Variants in RAPGEF2 observed in about 807,000 individuals in gnomAD.
RAPGEF2 encodes Rap guanine nucleotide exchange factor 2.
A neutral mutation model predicts 186.7 loss-of-function variants in RAPGEF2; 54 were observed. The ratio of observed to expected loss-of-function variants is 0.29; its 90% CI spans 0.23 to 0.36. The LOEUF is 0.36. Among genes scored for constraint, RAPGEF2 ranks in the 10% least tolerant of loss-of-function variants. The probability of loss-of-function intolerance (pLI) is 1.00; values close to 1 mark genes in which losing one functional copy is unlikely to be tolerated. For missense variants in RAPGEF2, 1,532 were observed against 2,045.0 expected (o/e 0.75, Z 4.84); for synonymous variants, 712 against 705.9 (o/e 1.01, Z -0.14).
In RAPGEF2 at chr4:159,353,993, T is replaced by A; in HGVS notation, c.4598T>A (p.Val1533Asp). 1.2e-6 allele frequency: 2 copies of A among 1,611,546 alleles called. No individual in the cohort carries two copies. Among genetic ancestry groups the A allele is most frequent in the Non-Finnish European group, 1.7e-6 (2 of 1,179,140 alleles). Residue 1533 changes from valine (V) to aspartate (D), a missense_variant, in exon 28 of 30, where the codon GTC (valine) becomes GAC (aspartate). Physicochemically the swap from Val to Asp is radical, Grantham distance 152. Coordinates refer to ENST00000691494, the MANE Select transcript of RAPGEF2 (RefSeq NM_001394067.2). This position sits in a 1 kb window ranked among gnomAD's most constrained non-coding sequence, Gnocchi z 4.3. ...TSVTTEETKPVPMPAHIAVAS... is the reference protein window; with the variant it reads ...TSVTTEETKPDPMPAHIAVAS... Reference sequence around the variant, plus strand: ...GTGACTACGGAAGAAACCAAGCCTGTCCCCATGCCTGCCCACATAGCTGTG... The same window carrying A: ...GTGACTACGGAAGAAACCAAGCCTGACCCCATGCCTGCCCACATAGCTGTG...
intron 7 of RAPGEF2, among the ~76,000 whole-genome samples, chr4:159,301,173 G>C (rs1762622999): frequency 6.6e-6 from 1 of 152,104 alleles, no homozygotes; most frequent in South Asian, 2.1e-4. Context: ...AGCAGTTTGA[G>C]ACCAGCTTGG....
intron 2 of RAPGEF2, 60 bp downstream of exon 2, chr4:159,186,772 T>C: frequency 2.2e-6 from 2 of 913,836 alleles, no homozygotes; most frequent in Non-Finnish European, 3.2e-6. Flanking sequence ...CATGTAACAA[T>C]TTAACATTTT....
At chr4:159,267,863 T>G in intron 7 of RAPGEF2, 1 of 1,105,426 alleles carries the variant, frequency 9.0e-7, no homozygotes, top group East Asian at 5.2e-5. Flanking sequence ...CTTGTTCTCT[T>G]GGAAGACTGA....
Position 159,346,835 on chromosome 4 carries a change from T to C in RAPGEF2, c.3549T>C (p.Ser1183=). The part of the protein sequence containing the change: ...GDKKPVKSET[S]PVAPRAGSQQ... ...AAAAGCCTGTCAAATCCGAGACCTC[T>C]CCAGTAGCTCCAAGGGCAGGGTCAC... is the stretch of plus-strand genomic sequence containing the variant. The change falls in exon 25 of 30, where the codon TCT becomes TCC. Residue 1183 remains serine (S), a synonymous_variant. Transcript: ENST00000691494. 6.2e-7 allele frequency: 1 copy of C among 1,614,132 alleles called. No individual in the cohort carries two copies. Among genetic ancestry groups the C allele is most frequent in the Non-Finnish European group, 8.5e-7 (1 of 1,180,016 alleles).
At chr4:159,140,343 T>C (rs1404182324) in intron 1 of RAPGEF2, among the ~76,000 whole-genome samples, 1 of 152,218 alleles carries the variant, frequency 6.6e-6, no homozygotes, top group Admixed American at 6.5e-5. Flanking sequence ...AAAAAATTAC[T>C]CTTCCCCTCC....
chr4:159,326,087 A>G (rs923680841), intron 11 of RAPGEF2, among the ~76,000 whole-genome samples: 8 of 152,182 alleles, frequency 5.3e-5, no homozygotes, highest in Admixed American at 4.6e-4. Context: ...TCGTTCTTGT[A>G]CTTCCATTGA....
chr4:159,106,593 A>G (rs937262796), intron 1 of RAPGEF2, among the ~76,000 whole-genome samples: 1 of 152,188 alleles, frequency 6.6e-6, no homozygotes. Context: ...AGGAATTAGG[A>G]AAGTTTTGCT....
At chr4:159,342,117 G>T (rs186993675) in intron 20 of RAPGEF2, among the ~76,000 whole-genome samples, 170 bp downstream of exon 20, 1 of 149,066 alleles carries the variant, frequency 6.7e-6, no homozygotes, top group Non-Finnish European at 1.5e-5. Flanking sequence ...AAAATCTCTC[G>T]TATCAAAAAA....
rs118000235 is a variant in RAPGEF2 at position 159,282,622 on chromosome 4, C to T, written c.544-21720C>T. On this transcript the variant is annotated intron_variant, in intron 7 of 29. Coordinates refer to ENST00000691494, the MANE Select transcript of RAPGEF2 (RefSeq NM_001394067.2). ...AATCTGTTTTTCTTGCCTTTTCTAA[C>T]GAAAGAGACTACATCATGGTATGTA... The T allele has an allele frequency of 6.9e-5, 31 of 447,318 alleles. 1 individual carries two copies. The East Asian group carries it at 9.3e-4, about 13-fold the overall frequency. 27.7% of individuals were successfully genotyped at this position (447,318 alleles called of 1,614,324 possible). A position where few individuals can be genotyped will look rare whatever the true frequency, so the allele number is the denominator to read the frequency against.
At chr4:159,124,812 T>C (rs1237637685) in intron 1 of RAPGEF2, among the ~76,000 whole-genome samples, 1 of 152,178 alleles carries the variant, frequency 6.6e-6, no homozygotes. Context: ...AAAAGAAATT[T>C]TATTCTACAA....
intron 4 of RAPGEF2, among the ~76,000 whole-genome samples, chr4:159,224,789 T>C (rs1168948804): frequency 6.6e-6 from 1 of 152,128 alleles, no homozygotes; most frequent in Non-Finnish European, 1.5e-5. Context: ...ATCTTAATGG[T>C]CTCTGTGTGC....
chr4:159,214,891 C>G (rs1750855507), intron 4 of RAPGEF2, among the ~76,000 whole-genome samples: 1 of 152,166 alleles, frequency 6.6e-6, no homozygotes, highest in Non-Finnish European at 1.5e-5. Flanking sequence ...GTTGTGGAGT[C>G]TTACTCTGTT....
At chr4:159,257,492 G>C (rs1756322323) in intron 7 of RAPGEF2, among the ~76,000 whole-genome samples, 1 of 152,172 alleles carries the variant, frequency 6.6e-6, no homozygotes, top group Non-Finnish European at 1.5e-5. Flanking sequence ...CTCCTACCAA[G>C]TCCCTCTCAC....
Position 159,290,888 on chromosome 4 carries a change from C to T in RAPGEF2, c.544-13454C>T, listed in dbSNP as rs904852318. ...AGTCAGTTCTTGTATAGTGCCCTCC[C>T]GACAGCCAAAGCAATGAGATTACCT... is the stretch of plus-strand genomic sequence containing the variant. On this transcript the variant is annotated intron_variant, in intron 7 of 29. Coordinates refer to ENST00000691494, the MANE Select transcript of RAPGEF2 (RefSeq NM_001394067.2). Among the ~76,000 whole-genome samples the T allele has an allele frequency of 3.3e-5, 5 of 152,118 alleles. 1 individual carries two copies. The highest frequency in any genetic ancestry group is 2.6e-4 in the Admixed American group (4 of 15,272).
intron 3 of RAPGEF2, among the ~76,000 whole-genome samples, chr4:159,202,668 C>T (rs1554009267): frequency 6.6e-6 from 1 of 152,156 alleles, no homozygotes; most frequent in Non-Finnish European, 1.5e-5. Context: ...GTGGCATGAT[C>T]TTGGCCCACT....
chr4:159,287,272 ATTG>A (rs892299042), intron 7 of RAPGEF2, among the ~76,000 whole-genome samples: 7 of 152,142 alleles, frequency 4.6e-5, no homozygotes, highest in African/African-American at 1.7e-4. Flanking sequence ...AACTATTGCT[ATTG>A]TTATGTCATG....
chr4:159,164,797 A>C (rs1252047051), intron 1 of RAPGEF2, among the ~76,000 whole-genome samples: 1 of 152,234 alleles, frequency 6.6e-6, no homozygotes, highest in East Asian at 1.9e-4. Flanking sequence ...TAATAAATTT[A>C]GCCCAATATC....
intron 10 of RAPGEF2, among the ~76,000 whole-genome samples, chr4:159,322,766 T>A (rs537534443): frequency 6.6e-6 from 1 of 152,138 alleles, no homozygotes; most frequent in Non-Finnish European, 1.5e-5. Flanking sequence ...GAAAGGCACT[T>A]CTTACATGGC....
chr4:159,319,751 G>A (rs1284878893), intron 9 of RAPGEF2, among the ~76,000 whole-genome samples: 2 of 151,056 alleles, frequency 1.3e-5, no homozygotes, highest in Non-Finnish European at 2.9e-5. Context: ...ATGATATGCA[G>A]GTATCTTCTA....
Sources: allele counts gnomAD v4.1 joint callset (sites outside exome capture counted in the v4.1 genomes callset), GRCh38; gene constraint gnomAD v4.1.1; non-coding constraint Gnocchi (gnomAD v3.1); transcripts MANE v1.5; gene names NCBI Gene and HGNC (gene_info 2026-07-23, HGNC 2026-07-21).